Variants in C19orf44 observed in about 807,000 individuals in gnomAD.
C19orf44 encodes uncharacterized protein C19orf44.
C19orf44 carries 43 observed loss-of-function variants against 50.7 expected under a neutral mutation model. That is an observed-to-expected ratio of 0.85 (90% CI 0.66 to 1.09). The LOEUF is 1.09. Among genes scored for constraint, C19orf44 ranks in the 50% least tolerant of loss-of-function variants. The probability of loss-of-function intolerance (pLI) is 0.00; values close to 1 mark genes in which losing one functional copy is unlikely to be tolerated. For synonymous variants in C19orf44, 298 were observed against 334.7 expected, an observed-to-expected ratio of 0.89 and a Z score of 1.20; for missense variants, 722 against 836.2, an observed-to-expected ratio of 0.86 and a Z score of 1.68.
At chr19:16,514,723 C>T in intron 7 of C19orf44, 60 bp downstream of exon 7, 1 of 1,450,610 alleles carries the variant, frequency 6.9e-7, no homozygotes, top group Admixed American at 2.7e-5. Context: ...CTCCCAGAGG[C>T]CGGGCCGAAG....
intron 7 of C19orf44, among the ~76,000 whole-genome samples, chr19:16,516,487 T>C (rs565178092): frequency 1.3e-5 from 2 of 152,330 alleles, no homozygotes; most frequent in Non-Finnish European, 2.9e-5. Flanking sequence ...TGTTGAGATT[T>C]CTGCTTGTCT....
In C19orf44 at chr19:16,512,004, G is replaced by A. The variant is rs1008090697; in HGVS notation, c.1640-1010G>A. On this transcript the variant is annotated intron_variant, in intron 5 of 8. Coordinates refer to ENST00000221671, the MANE Select transcript of C19orf44 (RefSeq NM_032207.4). ...CACCCCAGCCTGGGCGACAGAGTGAGACTCTGTCTCAAAAAAAAAAAAAAA... is the reference window on the plus strand; with the variant it reads ...CACCCCAGCCTGGGCGACAGAGTGAAACTCTGTCTCAAAAAAAAAAAAAAA... Among the ~76,000 whole-genome samples the A allele has an allele frequency of 4.2e-5, 5 of 118,842 alleles. 1 individual carries two copies. Among genetic ancestry groups the A allele is most frequent in the Non-Finnish European group, 8.2e-5 (5 of 61,316 alleles). 78.0% of individuals were successfully genotyped at this position (118,842 alleles called of 152,430 possible).
chr19:16,509,913 C>T lies in C19orf44; in HGVS notation c.1564C>T (p.His522Tyr). Residue 522 changes from histidine to tyrosine, a missense_variant, in exon 5 of 9, where the codon CAC becomes TAC. Physicochemically the swap from His to Tyr is moderately conservative, Grantham distance 83. Transcript: ENST00000221671. ...TAESRKKSGR[H>Y]VTRVLVKDTA... is the part of the protein sequence containing the mutation. ...CGAGTCTAGGAAAAAGTCGGGCAGG[C>T]ACGTGACAAGAGTGCTTGTGAAGGA... The T allele has an allele frequency of 1.9e-6, 3 of 1,614,260 alleles. No homozygotes were observed. The highest frequency in any genetic ancestry group is 1.1e-5 in the South Asian group (1 of 91,090).
intron 8 of C19orf44, among the ~76,000 whole-genome samples, chr19:16,517,582 A>G (rs192752364): frequency 6.6e-6 from 1 of 152,304 alleles, no homozygotes; most frequent in Admixed American, 6.5e-5. Context: ...GCCCAGCTCT[A>G]TGACACCACA....
chr19:16,513,089 T>A lies in C19orf44; in HGVS notation c.1715T>A (p.Ile572Asn). 1 of 1,614,020 alleles carries A rather than the reference T, an allele frequency of 6.2e-7. No homozygotes were observed. The highest frequency in any genetic ancestry group is 1.1e-5 in the South Asian group (1 of 91,088). Reference sequence around the variant, plus strand: ...CCGACACCCATCGCCAATCATGTTATCAGTGCAGATGCAATAGAAGGTAAC... The same window carrying A: ...CCGACACCCATCGCCAATCATGTTAACAGTGCAGATGCAATAGAAGGTAAC... ...VDPTPIANHV[I>N]SADAIEALTA... The change falls in exon 6 of 9, where the codon ATC becomes AAC. Residue 572 changes from isoleucine (I) to asparagine (N), a missense_variant. Physicochemically the swap from Ile to Asn is moderately radical, Grantham distance 149. Transcript: ENST00000221671.
At position 16,503,267 on chromosome 19, in the gene C19orf44, C is replaced by T; in HGVS notation, c.962C>T (p.Ser321Leu). Residue 321 changes from serine (S) to leucine (L), a missense_variant, in exon 3 of 9, where the codon TCA (serine) becomes TTA (leucine). Coordinates refer to ENST00000221671, the MANE Select transcript of C19orf44 (RefSeq NM_032207.4). ...TPSVSITGAF[S>L]NSVSLKMGHV... The stretch of plus-strand genomic sequence containing the variant: ...TCAGTTTCCATCACAGGCGCCTTTT[C>T]AAACTCAGTGTCTTTAAAGATGGGG... The T allele has an allele frequency of 6.2e-7, 1 of 1,614,172 alleles. No individual in the cohort carries two copies. The highest frequency in any genetic ancestry group is 8.5e-7 in the Non-Finnish European group (1 of 1,180,042).
Position 16,514,936 on chromosome 19 carries a change from G to A in C19orf44, c.1902+273G>A, listed in dbSNP as rs544135721. On this transcript the variant is annotated intron_variant, in intron 7 of 8. Coordinates refer to ENST00000221671, the MANE Select transcript of C19orf44 (RefSeq NM_032207.4). ...CTCAGACTAAAGGGACCTACTGTTCGTGGCACTGTTTTCTCCCATGGGAGG... is the reference window on the plus strand; with the variant it reads ...CTCAGACTAAAGGGACCTACTGTTCATGGCACTGTTTTCTCCCATGGGAGG... 5.9e-5 allele frequency among the ~76,000 whole-genome samples: 9 copies of A among 152,350 alleles called. No homozygotes were observed. The South Asian group carries it at 1.2e-3, about 21-fold the overall frequency.
At position 16,498,676 on chromosome 19, in the gene C19orf44, C is replaced by CT. The variant is rs553673820; in HGVS notation, c.-1-2104dup. On this transcript the variant is annotated intron_variant, in intron 1 of 8. Transcript: ENST00000221671. The stretch of plus-strand genomic sequence containing the variant: ...AGTAGTAGCTCCTCATGGTTTTTTT[C>CT]TTTTTTTTTTTTGAGACGGAGTCTC... Among the ~76,000 whole-genome samples, 1,337 of 143,918 alleles carry CT rather than the reference C, an allele frequency of 9.3e-3. 10 individuals carry two copies. The highest frequency in any genetic ancestry group is 0.013 in the Non-Finnish European group (851 of 65,174). 94.4% of individuals were successfully genotyped at this position (143,918 alleles called of 152,430 possible).
intron 4 of C19orf44, among the ~76,000 whole-genome samples, chr19:16,508,277 G>A (rs1383542643): frequency 6.6e-6 from 1 of 151,306 alleles, no homozygotes; most frequent in Non-Finnish European, 1.5e-5. Context: ...ACTAATTTTT[G>A]TATTTTTAGT....
In C19orf44 at chr19:16,519,714, A is replaced by G. The variant is rs769120338; in HGVS notation, c.*41-380A>G. The G allele has an allele frequency of 6.7e-5, 108 of 1,612,406 alleles. No homozygotes were observed. Among genetic ancestry groups the G allele is most frequent in the Non-Finnish European group, 8.5e-5 (100 of 1,178,670 alleles). ...GAATTAGAACCCAGACCAGCAGAGG[A>G]ACTAAAATCGAGACAGGTTATTCTT... On this transcript the variant is annotated intron_variant, in intron 8 of 8. Transcript: ENST00000221671. The surrounding 1 kb of genome is among the most constrained non-coding windows in gnomAD (Gnocchi z 6.0).
In C19orf44 at chr19:16,519,831, C is replaced by T; in HGVS notation, c.*41-263C>T. 1.1e-6 allele frequency: 1 copy of T among 921,110 alleles called. No homozygotes were observed. Among genetic ancestry groups the T allele is most frequent in the Non-Finnish European group, 1.8e-6 (1 of 560,086 alleles). 57.1% of individuals were successfully genotyped at this position (921,110 alleles called of 1,614,324 possible). The stretch of plus-strand genomic sequence containing the variant: ...GCATGCTCACTGTCACCAGGTGACA[C>T]CGTATGCAGATTTTGCGTCTCTACC... On this transcript the variant is annotated intron_variant, in intron 8 of 8. Transcript: ENST00000221671. This position sits in a 1 kb window ranked among gnomAD's most constrained non-coding sequence, Gnocchi z 6.0.
Position 16,519,586 on chromosome 19 carries a change from A to G in C19orf44, c.*41-508A>G. 5.2e-6 allele frequency: 8 copies of G among 1,544,160 alleles called. No individual in the cohort carries two copies. The highest frequency in any genetic ancestry group is 7.2e-6 in the Non-Finnish European group (8 of 1,116,622). Reference sequence around the variant, plus strand: ...ACTCCCGGGCCCAGCACGCGTGAGGACCCATCCCGCGCCCTCCCCATTCCC... The same window carrying G: ...ACTCCCGGGCCCAGCACGCGTGAGGGCCCATCCCGCGCCCTCCCCATTCCC... On this transcript the variant is annotated intron_variant, in intron 8 of 8. Transcript: ENST00000221671. The surrounding 1 kb of genome is among the most constrained non-coding windows in gnomAD (Gnocchi z 6.0).
chr19:16,516,524 A>T (rs1041824441), intron 7 of C19orf44, among the ~76,000 whole-genome samples: 18 of 152,136 alleles, frequency 1.2e-4, no homozygotes, highest in African/African-American at 4.1e-4. Context: ...TTTTGTTCCG[A>T]TTTGGTAATT....
In C19orf44 at chr19:16,503,183, G is replaced by A. The variant is rs769134219; in HGVS notation, c.878G>A (p.Arg293His). ...GCAGACAGAACCCTTCACAGCACTC[G>A]CTCAAGAGCAGACTACCCACAGAGT... ...LAADRTLHST[R>H]SRADYPQSHV... is the part of the protein sequence containing the mutation. Residue 293 changes from arginine to histidine, a missense_variant, in exon 3 of 9, where the codon CGC becomes CAC. Coordinates refer to ENST00000221671, the MANE Select transcript of C19orf44 (RefSeq NM_032207.4). 3.1e-6 allele frequency: 5 copies of A among 1,614,030 alleles called. No homozygotes were observed. Among genetic ancestry groups the A allele is most frequent in the East Asian group, 2.2e-5 (1 of 44,880 alleles).
Position 16,509,990 on chromosome 19 carries a change from TAAG to T in C19orf44, c.1639+3_1639+5del. ...CCTTCACCTACGAGTGGACCAAGGG[TAAG>T]CCTTGGGGCCCGTGGGGGCCGGGGC... is the stretch of plus-strand genomic sequence containing the variant. On this transcript the variant is annotated splice_donor_5th_base_variant and intron_variant, in intron 5 of 8. Transcript: ENST00000221671. 6.2e-7 allele frequency: 1 copy of T among 1,614,146 alleles called. No individual in the cohort carries two copies. The highest frequency in any genetic ancestry group is 8.5e-7 in the Non-Finnish European group (1 of 1,180,036).
chr19:16,507,561 G>A (rs1256504210), intron 4 of C19orf44, among the ~76,000 whole-genome samples: 3 of 145,556 alleles, frequency 2.1e-5, no homozygotes, highest in African/African-American at 7.6e-5. Flanking sequence ...GCTCGATCTC[G>A]GCTCACTGCA....
intron 5 of C19orf44, among the ~76,000 whole-genome samples, chr19:16,511,153 C>T (rs977401769): frequency 6.6e-6 from 1 of 152,000 alleles, no homozygotes; most frequent in African/African-American, 2.4e-5. Flanking sequence ...TCTCCTGCCT[C>T]AGCCTCCTGA....
At chr19:16,505,015 C>T (rs2093436979) in intron 3 of C19orf44, among the ~76,000 whole-genome samples, 1 of 151,820 alleles carries the variant, frequency 6.6e-6, no homozygotes, top group Admixed American at 6.6e-5. Flanking sequence ...GACAGGGTTT[C>T]ACCATGTTGG....
At chr19:16,517,936 C>T (rs897048906) in intron 8 of C19orf44, 1 of 152,256 alleles carries the variant, frequency 6.6e-6, no homozygotes, top group African/African-American at 2.4e-5. Flanking sequence ...CAATGAAATC[C>T]ACAAGAAATT....
Sources: gnomAD v4.1 joint callset for allele counts (sites outside exome capture counted in the v4.1 genomes callset) on GRCh38, gnomAD v4.1.1 for gene constraint, Gnocchi (gnomAD v3.1) non-coding constraint, MANE v1.5 for transcripts, NCBI Gene and HGNC (gene_info 2026-07-23, HGNC 2026-07-21) for gene names.